The following GRIK1 variants were observed in gnomAD, a reference collection of about 807,000 sequenced individuals.
The protein encoded by GRIK1 is glutamate receptor ionotropic, kainate 1.
In GRIK1, 69 loss-of-function variants were observed where a neutral mutation model predicts 105.7. That is an observed-to-expected ratio of 0.65 (90% CI 0.54 to 0.80). The LOEUF is 0.80. Ranked by LOEUF, GRIK1 falls within the 30% of genes least tolerant of loss-of-function variation. The pLI, the probability that GRIK1 is intolerant of heterozygous loss-of-function variation, is 0.00. For synonymous variants in GRIK1, 438 were observed against 431.3 expected, an observed-to-expected ratio of 1.02 and a Z score of -0.19; for missense variants, 1,109 against 1,167.3, an observed-to-expected ratio of 0.95 and a Z score of 0.73.
intron 7 of GRIK1, among the ~76,000 whole-genome samples, chr21:29,606,555 C>A (rs1395786220): frequency 6.6e-6 from 1 of 152,052 alleles, no homozygotes; most frequent in African/African-American, 2.4e-5. Flanking sequence ...GTGCTAGAGT[C>A]ACATATATAA....
intron 1 of GRIK1, among the ~76,000 whole-genome samples, chr21:29,732,101 T>C (rs2064643546): frequency 6.6e-6 from 1 of 152,190 alleles, no homozygotes; most frequent in South Asian, 2.1e-4. Context: ...TTCCATGAAC[T>C]CTTTGAACGA....
At chr21:29,586,671 C>G (rs2091137087) in intron 12 of GRIK1, among the ~76,000 whole-genome samples, 1 of 152,094 alleles carries the variant, frequency 6.6e-6, no homozygotes, top group Admixed American at 6.5e-5. Context: ...AATATATGAT[C>G]TATTGAAAGG....
intron 1 of GRIK1, among the ~76,000 whole-genome samples, chr21:29,765,113 G>A (rs2145710626): frequency 6.6e-6 from 1 of 152,224 alleles, no homozygotes; most frequent in Admixed American, 6.5e-5. Context: ...CCTTCTTATA[G>A]CTCCTGCCTC....
At chr21:29,677,994 A>G (rs916891176) in intron 3 of GRIK1, among the ~76,000 whole-genome samples, 4 of 152,226 alleles carry the variant, frequency 2.6e-5, no homozygotes, top group Non-Finnish European at 5.9e-5. Flanking sequence ...TCTCGGTTCA[A>G]AAGAAAAGTA....
chr21:29,565,587 C>T (rs879364961), intron 14 of GRIK1, among the ~76,000 whole-genome samples: 1 of 64,194 alleles, frequency 1.6e-5, no homozygotes. Context: ...CACCTGCTAC[C>T]ATGCCCAGCT....
chr21:29,570,629 A>G (rs1436996717), intron 14 of GRIK1, among the ~76,000 whole-genome samples: 1 of 152,202 alleles, frequency 6.6e-6, no homozygotes, highest in Non-Finnish European at 1.5e-5. Flanking sequence ...GAATTTCCCA[A>G]AACATCTCCA....
At chr21:29,794,055 T>C (rs1042512816) in intron 1 of GRIK1, among the ~76,000 whole-genome samples, 2 of 152,126 alleles carry the variant, frequency 1.3e-5, no homozygotes, top group Non-Finnish European at 1.5e-5. Context: ...ATAAAAGGAC[T>C]GTGTTTTCAT....
rs147874801 is a variant in GRIK1, at chr21:29,571,736, T to C, written c.2130+5228A>G. 1.7e-3 allele frequency among the ~76,000 whole-genome samples: 255 copies of C among 152,370 alleles called. 1 individual carries two copies. Among genetic ancestry groups the C allele is most frequent in the African/African-American group, 5.8e-3 (241 of 41,586 alleles). On this transcript the variant is annotated intron_variant, in intron 14 of 17. Transcript: ENST00000327783. ...TCCCTGCAACTGGCCATTCTTTGGC[T>C]ATAAAATGATTTTAAATCAACTTGA...
chr21:29,769,593 T>G (rs2065762142), intron 1 of GRIK1, among the ~76,000 whole-genome samples: 1 of 152,130 alleles, frequency 6.6e-6, no homozygotes, highest in Non-Finnish European at 1.5e-5. Flanking sequence ...CCCGCTGATC[T>G]GACAAGAGGC....
chr21:29,622,459 A>C lies in GRIK1; in HGVS notation c.1098+20367T>G, dbSNP rs61093727. 8.3e-3 allele frequency among the ~76,000 whole-genome samples: 1,264 copies of C among 152,238 alleles called. 11 individuals are homozygous for C. Among genetic ancestry groups the C allele is most frequent in the African/African-American group, 0.029 (1,202 of 41,536 alleles). On this transcript the variant is annotated intron_variant, in intron 7 of 17. Coordinates refer to ENST00000327783, the MANE Select transcript of GRIK1 (RefSeq NM_001330994.2). Reference sequence around the variant, plus strand: ...TAGTAGTCACTATTGGTGTCCTGTCAAATTCTCCTCCACCAGCTTGGTACA... The same window carrying C: ...TAGTAGTCACTATTGGTGTCCTGTCCAATTCTCCTCCACCAGCTTGGTACA...
chr21:29,656,736 G>A lies in GRIK1; in HGVS notation c.727-1873C>T, dbSNP rs929449198. On this transcript the variant is annotated intron_variant, in intron 4 of 17. Coordinates refer to ENST00000327783, the MANE Select transcript of GRIK1 (RefSeq NM_001330994.2). ...GTGCCTAAGATATGTGAACTAGAAT[G>A]ATTTTACGTGAAAGGGAATAAGAAA... 2.6e-5 allele frequency among the ~76,000 whole-genome samples: 4 copies of A among 152,210 alleles called. No individual in the cohort carries two copies. The South Asian group carries it at 8.3e-4, about 32-fold the overall frequency.
chr21:29,755,864 A>G (rs1341180669), intron 1 of GRIK1, among the ~76,000 whole-genome samples: 2 of 152,226 alleles, frequency 1.3e-5, no homozygotes, highest in East Asian at 3.8e-4. Context: ...CCTGTCATGA[A>G]TTGAGTAAAA....
chr21:29,923,735 A>T (rs892291308), intron 1 of GRIK1, among the ~76,000 whole-genome samples: 2 of 152,204 alleles, frequency 1.3e-5, no homozygotes, highest in East Asian at 1.9e-4. Context: ...GATGTTCAGA[A>T]CACAGACTGA....
intron 15 of GRIK1, among the ~76,000 whole-genome samples, chr21:29,558,895 A>G (rs1461144631): frequency 6.6e-6 from 1 of 152,082 alleles, no homozygotes; most frequent in African/African-American, 2.4e-5. Flanking sequence ...ACTATCAGAA[A>G]TTTTAGCTTT....
intron 7 of GRIK1, among the ~76,000 whole-genome samples, chr21:29,621,078 T>A (rs868282647): frequency 6.6e-6 from 1 of 152,044 alleles, no homozygotes; most frequent in Non-Finnish European, 1.5e-5. Flanking sequence ...GGACACTGAC[T>A]AAACCCAATT....
chr21:29,657,164 G>A (rs1486362505), intron 4 of GRIK1, among the ~76,000 whole-genome samples: 2 of 152,180 alleles, frequency 1.3e-5, no homozygotes, highest in Admixed American at 1.3e-4. Flanking sequence ...TCTTGAAAGG[G>A]AACTGGGCAG....
chr21:29,727,038 C>T (rs139154807), intron 1 of GRIK1, among the ~76,000 whole-genome samples: 3 of 152,118 alleles, frequency 2.0e-5, no homozygotes, highest in South Asian at 2.1e-4. Flanking sequence ...CAGGCTCAAG[C>T]GATCCTTCCA....
intron 1 of GRIK1, among the ~76,000 whole-genome samples, chr21:29,772,883 A>G (rs1199728959): frequency 2.0e-5 from 3 of 152,174 alleles, no homozygotes; most frequent in Non-Finnish European, 4.4e-5. Flanking sequence ...CTTTGTTACT[A>G]TGTATTTCCT....
intron 1 of GRIK1, among the ~76,000 whole-genome samples, chr21:29,699,279 C>G (rs890893173): frequency 1.3e-5 from 2 of 152,162 alleles, no homozygotes; most frequent in African/African-American, 4.8e-5. Flanking sequence ...CAAAATGTGA[C>G]TGTATTTAGA....
Sources: gnomAD v4.1 joint callset for allele counts (sites outside exome capture counted in the v4.1 genomes callset) on GRCh38, gnomAD v4.1.1 for gene constraint, MANE v1.5 for transcripts, NCBI Gene and HGNC (gene_info 2026-07-23, HGNC 2026-07-21) for gene names.